CTNNA3: variants seen among roughly 807,000 people sequenced by gnomAD.
CTNNA3 encodes catenin alpha 3.
Under a neutral mutation model 95.7 loss-of-function variants are expected in CTNNA3, and 76 were observed. The ratio of observed to expected loss-of-function variants is 0.79; its 90% CI spans 0.66 to 0.96. The LOEUF is 0.96. Ranked by LOEUF, CTNNA3 falls within the 40% of genes least tolerant of loss-of-function variation. The pLI is 0.00. For synonymous variants in CTNNA3, 431 were observed against 374.4 expected (o/e 1.15, Z -1.74); for missense variants, 1,191 against 1,089.8 (o/e 1.09, Z -1.31).
chr10:66,178,556 T>C (rs1003956046), intron 13 of CTNNA3, among the ~76,000 whole-genome samples: 5 of 149,154 alleles, frequency 3.4e-5, no homozygotes, highest in Non-Finnish European at 7.5e-5. Flanking sequence ...AAAGGAAAAA[T>C]TGATAAACTG....
chr10:66,229,401 G>T (rs2089475308), intron 13 of CTNNA3, among the ~76,000 whole-genome samples: 1 of 152,092 alleles, frequency 6.6e-6, no homozygotes, highest in East Asian at 1.9e-4. Flanking sequence ...TTCACGTGGG[G>T]CTGGTCTCGT....
intron 1 of CTNNA3, among the ~76,000 whole-genome samples, chr10:67,727,129 T>C (rs1175613942): frequency 1.6e-5 from 2 of 122,814 alleles, no homozygotes; most frequent in African/African-American, 6.3e-5. Flanking sequence ...TATAATTATA[T>C]AATATATGAT....
At chr10:66,457,297 A>T (rs973502568) in intron 11 of CTNNA3, among the ~76,000 whole-genome samples, 2 of 152,168 alleles carry the variant, frequency 1.3e-5, no homozygotes, top group African/African-American at 2.4e-5. Flanking sequence ...AAATATTTTC[A>T]AACCACATGT....
Position 65,918,676 on chromosome 10 carries a change from T to C in CTNNA3, c.*1654A>G, listed in dbSNP as rs181005724. The stretch of plus-strand genomic sequence containing the variant: ...GGAGGAGTTTATTGCCTTCACCTCC[T>C]AGGAAGTTTTACACTGAGCTCAGGC... On this transcript the variant is annotated 3_prime_UTR_variant, in exon 18 of 18. Coordinates refer to ENST00000433211, the MANE Select transcript of CTNNA3 (RefSeq NM_013266.4). The C allele has an allele frequency of 2.3e-4, 35 of 152,102 alleles. 1 individual carries two copies. The highest frequency in any genetic ancestry group is 8.0e-4 in the African/African-American group (33 of 41,428). 9.4% of individuals were successfully genotyped at this position (152,102 alleles called of 1,614,324 possible).
Position 66,433,715 on chromosome 10 carries a change from C to A in CTNNA3, c.1532-54363G>T, listed in dbSNP as rs188738831. 3.3e-3 allele frequency among the ~76,000 whole-genome samples: 505 copies of A among 152,266 alleles called. 1 individual carries two copies. Among genetic ancestry groups the A allele is most frequent in the African/African-American group, 0.012 (484 of 41,546 alleles). On this transcript the variant is annotated intron_variant, in intron 11 of 17. Transcript: ENST00000433211. ...TGGTGTTTTAGTCATGAAGTCCTTGCCCATGCCTATGTCCTGAATGGTACT... is the reference window on the plus strand; with the variant it reads ...TGGTGTTTTAGTCATGAAGTCCTTGACCATGCCTATGTCCTGAATGGTACT...
At chr10:66,098,630 A>G (rs2081495674) in intron 14 of CTNNA3, 1 of 152,158 alleles carries the variant, frequency 6.6e-6, no homozygotes, top group Non-Finnish European at 1.5e-5. Context: ...CTCTTTTAAA[A>G]GGTGTATTTT....
chr10:67,266,723 A>G (rs558805636), intron 5 of CTNNA3, among the ~76,000 whole-genome samples: 20 of 152,178 alleles, frequency 1.3e-4, no homozygotes, highest in Non-Finnish European at 2.6e-4. Flanking sequence ...TAGGAAGAAT[A>G]CACTTTAAGA....
chr10:67,484,115 T>C (rs984272545), intron 5 of CTNNA3, among the ~76,000 whole-genome samples: 6 of 152,136 alleles, frequency 3.9e-5, no homozygotes, highest in African/African-American at 1.4e-4. Flanking sequence ...GGCATGGTAT[T>C]TGTACAAAAA....
intron 11 of CTNNA3, among the ~76,000 whole-genome samples, chr10:66,476,498 A>T (rs1265413479): frequency 2.0e-5 from 3 of 152,118 alleles, no homozygotes; most frequent in African/African-American, 7.2e-5. Context: ...TTTTGTACTG[A>T]GATAATTAAA....
intron 2 of CTNNA3, among the ~76,000 whole-genome samples, chr10:67,635,479 G>C (rs74829617): frequency 6.6e-6 from 1 of 152,132 alleles, no homozygotes. Flanking sequence ...CCATGATCGA[G>C]TTGTCTTCAT....
rs1040071717 is a variant in CTNNA3 at position 66,875,592 on chromosome 10, T to C, written c.1048-100068A>G. On this transcript the variant is annotated intron_variant, in intron 7 of 17. Transcript: ENST00000433211. ...CAACATCTTAATTATTATTGGACCA[T>C]ATGGAAGGTAGTTATTCAATAATAC... Among the ~76,000 whole-genome samples, 5 of 151,980 alleles carry C rather than the reference T, an allele frequency of 3.3e-5. 1 individual carries two copies. The highest frequency in any genetic ancestry group is 2.0e-4 in the Admixed American group (3 of 15,242).
intron 5 of CTNNA3, among the ~76,000 whole-genome samples, chr10:67,232,904 G>C (rs895006324): frequency 3.7e-4 from 56 of 152,156 alleles, no homozygotes; most frequent in East Asian, 9.7e-4. Context: ...AAGATCAAAA[G>C]AGACAAAGAA....
At chr10:67,552,883 A>G (rs111519347) in intron 3 of CTNNA3, among the ~76,000 whole-genome samples, 20,919 of 152,098 alleles carry the variant, frequency 0.14, 3,224 homozygotes, top group African/African-American at 0.39. Flanking sequence ...TCCATGATGT[A>G]TATGTACCAC....
At chr10:67,170,734 T>C (rs1462153435) in intron 7 of CTNNA3, among the ~76,000 whole-genome samples, 1 of 152,120 alleles carries the variant, frequency 6.6e-6, no homozygotes. Flanking sequence ...AGTTTACCTA[T>C]GTAATAAACC....
intron 7 of CTNNA3, among the ~76,000 whole-genome samples, chr10:66,896,135 A>T (rs530125916): frequency 6.6e-6 from 1 of 152,202 alleles, no homozygotes; most frequent in Admixed American, 6.5e-5. Context: ...AATAGTTGCC[A>T]TAAACAATGC....
intron 7 of CTNNA3, among the ~76,000 whole-genome samples, chr10:67,044,489 A>G (rs1400183788): frequency 6.6e-6 from 1 of 152,180 alleles, no homozygotes; most frequent in Non-Finnish European, 1.5e-5. Flanking sequence ...GCAATGTTAG[A>G]AAGATCACTT....
intron 5 of CTNNA3, among the ~76,000 whole-genome samples, chr10:67,418,514 T>TG (rs1554834495): frequency 6.9e-6 from 1 of 144,292 alleles, no homozygotes; most frequent in East Asian, 2.0e-4. Flanking sequence ...TATTTCACTG[T>TG]AAAAAAAAAA....
At chr10:67,760,297 G>A (rs1841455601) in intron 1 of CTNNA3, among the ~76,000 whole-genome samples, 1 of 151,848 alleles carries the variant, frequency 6.6e-6, no homozygotes. Context: ...CCCTACTGGA[G>A]GCATTGTCTA....
intron 5 of CTNNA3, among the ~76,000 whole-genome samples, chr10:67,411,878 G>A (rs556706890): frequency 9.9e-5 from 15 of 152,092 alleles, no homozygotes; most frequent in African/African-American, 2.9e-4. Context: ...AAGTTGTAAC[G>A]AATTGATAGA....
Sources: allele counts gnomAD v4.1 joint callset (sites outside exome capture counted in the v4.1 genomes callset), GRCh38; gene constraint gnomAD v4.1.1; transcripts MANE v1.5; gene names NCBI Gene and HGNC (gene_info 2026-07-23, HGNC 2026-07-21).